ATP10B: variants seen among roughly 807,000 people sequenced by gnomAD.
ATP10B encodes the protein ATPase phospholipid transporting 10B (putative).
ATP10B carries 122 observed loss-of-function variants against 141.2 expected under a neutral mutation model. That is an observed-to-expected ratio of 0.86 (90% CI 0.75 to 1.00). ATP10B has a LOEUF of 1.00. ATP10B is among the 50% of genes least tolerant of loss of function. The pLI is 0.00. For synonymous variants in ATP10B, 685 were observed against 692.0 expected (o/e 0.99, Z 0.16); for missense variants, 1,876 against 1,825.3 (o/e 1.03, Z -0.51).
the ATP10B span, among the ~76,000 whole-genome samples, chr5:160,919,034 G>A: frequency 6.7e-6 from 1 of 150,258 alleles, no homozygotes; most frequent in African/African-American, 2.5e-5. Context: ...GACCATCCTG[G>A]CTAACACGGT....
chr5:160,879,849 A>C, the ATP10B span, among the ~76,000 whole-genome samples: 2 of 152,068 alleles, frequency 1.3e-5, no homozygotes, highest in African/African-American at 4.8e-5. Flanking sequence ...AAACAAACAA[A>C]CAAACAAAGA....
chr5:160,920,360 T>C, the ATP10B span, among the ~76,000 whole-genome samples: 1 of 152,222 alleles, frequency 6.6e-6, no homozygotes, highest in Non-Finnish European at 1.5e-5. Context: ...ACTTATTTTA[T>C]ATTAGGAAGA....
In ATP10B at chr5:160,806,320, G is replaced by T. The variant is rs916270906; in HGVS notation, c.-575-20517C>A. Among the ~76,000 whole-genome samples, 4 of 152,142 alleles carry T rather than the reference G, an allele frequency of 2.6e-5. No individual in the cohort carries two copies. The South Asian group carries it at 8.3e-4, about 32-fold the overall frequency. ...ATTACACTCCCCTGACCCAGATAAAGGTCAACTGTGTTCCTGACACAGATC... is the reference window on the plus strand; with the variant it reads ...ATTACACTCCCCTGACCCAGATAAATGTCAACTGTGTTCCTGACACAGATC... On this transcript the variant is annotated intron_variant, in intron 1 of 25. Transcript: ENST00000327245.
intron 6 of ATP10B, among the ~76,000 whole-genome samples, chr5:160,681,460 C>G (rs1008614674): frequency 1.3e-5 from 2 of 152,176 alleles, no homozygotes; most frequent in Non-Finnish European, 2.9e-5. Context: ...AGGTCATACC[C>G]TCTCTCTGTC....
At chr5:160,797,176 G>A (rs534099763) in intron 1 of ATP10B, among the ~76,000 whole-genome samples, 35 of 152,240 alleles carry the variant, frequency 2.3e-4, no homozygotes, top group Middle Eastern at 6.8e-3. Flanking sequence ...CATCTTCCCT[G>A]ATTGCCTTGC....
At chr5:160,922,265 G>T in the ATP10B span, among the ~76,000 whole-genome samples, 1 of 152,184 alleles carries the variant, frequency 6.6e-6, no homozygotes, top group Admixed American at 6.5e-5. Context: ...CTGGTTGAGT[G>T]TCTTGTAGCA....
chr5:160,789,393 C>T (rs1290594529), intron 1 of ATP10B, among the ~76,000 whole-genome samples: 1 of 152,108 alleles, frequency 6.6e-6, no homozygotes, highest in Non-Finnish European at 1.5e-5. Context: ...GCTGTATGGT[C>T]TAACCTACTG....
intron 1 of ATP10B, among the ~76,000 whole-genome samples, chr5:160,838,821 A>C (rs2127984618): frequency 6.6e-6 from 1 of 152,272 alleles, no homozygotes; most frequent in Non-Finnish European, 1.5e-5. Context: ...CCAGTGTTGG[A>C]GGTGGGACCT....
chr5:160,678,865 T>A (rs1357653943), intron 6 of ATP10B, among the ~76,000 whole-genome samples: 1 of 152,104 alleles, frequency 6.6e-6, no homozygotes, highest in Non-Finnish European at 1.5e-5. Context: ...AAAGCCCAGG[T>A]CCCATGTCAA....
intron 7 of ATP10B, among the ~76,000 whole-genome samples, chr5:160,659,106 C>CT (rs1318411554): frequency 6.6e-6 from 1 of 152,096 alleles, no homozygotes; most frequent in Non-Finnish European, 1.5e-5. Context: ...AAGGAGAAAA[C>CT]TTTAAGATAT....
chr5:160,622,421 CA>C lies in ATP10B; in HGVS notation c.1784del (p.Val595GlyfsTer34), dbSNP rs1758399070. 6.2e-7 allele frequency: 1 copy of C among 1,613,598 alleles called. No homozygotes were observed. Among genetic ancestry groups the C allele is most frequent in the Non-Finnish European group, 8.5e-7 (1 of 1,179,924 alleles). Reference sequence around the variant, plus strand: ...TCTGCCTGGGCTCGGTGGTTGTGGACACCATGACAGAGTTGCAGATGGTTAA... The same window carrying C: ...TCTGCCTGGGCTCGGTGGTTGTGGACCCATGACAGAGTTGCAGATGGTTAA... The part of the protein sequence containing the change: ...LALTICNSVM[V>X]STTTEPRQRV... On this transcript the variant is annotated frameshift_variant, in exon 14 of 26. Coordinates refer to ENST00000327245, the MANE Select transcript of ATP10B (RefSeq NM_025153.3). LOFTEE classifies it high-confidence loss of function.
chr5:160,687,999 C>G lies in ATP10B; in HGVS notation c.76G>C (p.Glu26Gln), dbSNP rs570180836. 1.2e-6 allele frequency: 2 copies of G among 1,614,048 alleles called. No homozygotes were observed. Among genetic ancestry groups the G allele is most frequent in the East Asian group, 4.5e-5 (2 of 44,876 alleles). The change falls in exon 5 of 26, where the codon GAA (glutamate) becomes CAA (glutamine). Residue 26 changes from glutamate to glutamine, a missense_variant. Glu to Gln is a conservative substitution (Grantham distance 29). Transcript: ENST00000327245. ...TCTGGAGAGAGCAGCGGTGTGGTTT[C>G]CGATGGACAATGGGGGAAGCCATCT... is the stretch of plus-strand genomic sequence containing the variant. The part of the protein sequence containing the change: ...VRDGFPHCPS[E>Q]TTPLLSPEKG...
chr5:160,854,116 A>G (rs1753938006), upstream of ATP10B, among the ~76,000 whole-genome samples: 1 of 152,116 alleles, frequency 6.6e-6, no homozygotes, highest in Non-Finnish European at 1.5e-5. Flanking sequence ...GTACCACACA[A>G]CCAGGATGGA....
chr5:160,795,356 G>C (rs111475367), intron 1 of ATP10B, among the ~76,000 whole-genome samples: 13 of 152,260 alleles, frequency 8.5e-5, no homozygotes, highest in African/African-American at 3.1e-4. Flanking sequence ...GGAGTAGAGA[G>C]AAGTCTTGAC....
the ATP10B span, among the ~76,000 whole-genome samples, chr5:160,861,100 T>C: frequency 6.6e-6 from 1 of 152,036 alleles, no homozygotes; most frequent in South Asian, 2.1e-4. Context: ...GAATCTGATG[T>C]GTAATTTTGC....
intron 1 of ATP10B, among the ~76,000 whole-genome samples, chr5:160,834,320 G>A (rs1163413483): frequency 6.6e-6 from 1 of 151,902 alleles, no homozygotes; most frequent in East Asian, 1.9e-4. Context: ...GCAAGACCCT[G>A]TCCCCAAAAT....
At chr5:160,862,686 A>T in the ATP10B span, among the ~76,000 whole-genome samples, 2 of 151,994 alleles carry the variant, frequency 1.3e-5, no homozygotes, top group Non-Finnish European at 2.9e-5. Flanking sequence ...AAATGGTACA[A>T]TCCATCAGCA....
At position 160,602,697 on chromosome 5, in the gene ATP10B, G is replaced by A. The variant is rs1165953588; in HGVS notation, c.3243C>T (p.Val1081=). ...GISGQEGMQA[V]MSSDFAITRF... is the part of the protein sequence containing the mutation. ...GGGTGATGGCAAAGTCGCTGGACAT[G>A]ACAGCCTGAGAGGTGAGAACAGACA... Residue 1081 remains valine, a synonymous_variant, in exon 21 of 26, where the codon GTC becomes GTT. Transcript: ENST00000327245. The A allele has an allele frequency of 8.7e-6, 14 of 1,613,762 alleles. No individual in the cohort carries two copies. The highest frequency in any genetic ancestry group is 1.3e-5 in the African/African-American group (1 of 74,938).
At chr5:160,727,911 T>C (rs1766469230) in intron 2 of ATP10B, among the ~76,000 whole-genome samples, 1 of 152,178 alleles carries the variant, frequency 6.6e-6, no homozygotes, top group Admixed American at 6.5e-5. Context: ...TTTTGGCCTC[T>C]TGTGAACAAG....
Sources: gnomAD v4.1 joint callset for allele counts (sites outside exome capture counted in the v4.1 genomes callset) on GRCh38, gnomAD v4.1.1 for gene constraint, MANE v1.5 for transcripts, NCBI Gene and HGNC (gene_info 2026-07-23, HGNC 2026-07-21) for gene names.